SOBP: variants seen among roughly 807,000 people sequenced by gnomAD.
The protein encoded by SOBP is sine oculis binding protein homolog, also known as sine oculis-binding protein homolog.
In SOBP, 4 loss-of-function variants were observed where a neutral mutation model predicts 53.6. The observed-to-expected ratio is 0.07, with a 90% confidence interval of 0.04 to 0.17. SOBP has a LOEUF of 0.17. Ranked by LOEUF, SOBP falls within the 10% of genes least tolerant of loss-of-function variation. SOBP has a pLI of 1.00. For synonymous variants in SOBP, 584 were observed against 522.6 expected, an observed-to-expected ratio of 1.12 and a Z score of -1.60; for missense variants, 1,088 against 1,204.7, an observed-to-expected ratio of 0.90 and a Z score of 1.43.
chr6:107,577,540 A>G (rs1785267062), intron 4 of SOBP, among the ~76,000 whole-genome samples: 1 of 152,190 alleles, frequency 6.6e-6, no homozygotes, highest in Non-Finnish European at 1.5e-5. Context: ...TTATATACCG[A>G]ATGCCAGGAA....
At chr6:107,600,952 A>G (rs1382848418) in intron 5 of SOBP, among the ~76,000 whole-genome samples, 1 of 152,176 alleles carries the variant, frequency 6.6e-6, no homozygotes, top group East Asian at 1.9e-4. Flanking sequence ...TAAATTATTT[A>G]AAGTTATATT....
chr6:107,604,048 A>G (rs907872533), intron 5 of SOBP, among the ~76,000 whole-genome samples: 3 of 152,096 alleles, frequency 2.0e-5, no homozygotes, highest in African/African-American at 7.2e-5. Flanking sequence ...TGTTTCACCT[A>G]TTTTGTCTGT....
At chr6:107,499,633 G>A (rs1660322396) in intron 1 of SOBP, among the ~76,000 whole-genome samples, 1 of 152,068 alleles carries the variant, frequency 6.6e-6, no homozygotes, top group Admixed American at 6.5e-5. Context: ...AAATTCATGA[G>A]GTATGATCAC....
chr6:107,531,542 T>C (rs1583179462), intron 3 of SOBP, among the ~76,000 whole-genome samples: 1 of 152,164 alleles, frequency 6.6e-6, no homozygotes, highest in Non-Finnish European at 1.5e-5. Flanking sequence ...TTTCATACCA[T>C]GTAAAATGTT....
chr6:107,560,729 C>T (rs1784749964), intron 4 of SOBP, among the ~76,000 whole-genome samples: 2 of 152,190 alleles, frequency 1.3e-5, no homozygotes, highest in Non-Finnish European at 2.9e-5. Context: ...CTCAATCAGA[C>T]AGCCCAGGAG....
At chr6:107,626,622 A>T (rs1046262915) in intron 5 of SOBP, among the ~76,000 whole-genome samples, 10 of 152,196 alleles carry the variant, frequency 6.6e-5, no homozygotes, top group African/African-American at 2.4e-4. Flanking sequence ...ATAAATGTTC[A>T]CTTTTCAATG....
Position 107,490,567 on chromosome 6 carries a change from CCGG to C in SOBP, c.-42_-40del. On this transcript the variant is annotated 5_prime_UTR_variant, in exon 1 of 7. Transcript: ENST00000317357. ...GCCGCCGCCGCCGCCACCACCACCG[CCGG>C]CGGCGGCAGCAGCCATTTCATCTCC... is the stretch of plus-strand genomic sequence containing the variant. 1 of 1,400,404 alleles carries C rather than the reference CCGG, an allele frequency of 7.1e-7. No homozygotes were observed. Among genetic ancestry groups the C allele is most frequent in the Non-Finnish European group, 9.9e-7 (1 of 1,010,758 alleles). 86.7% of individuals were successfully genotyped at this position (1,400,404 alleles called of 1,614,324 possible).
chr6:107,537,313 ATATCT>A (rs1784027435), intron 4 of SOBP, among the ~76,000 whole-genome samples: 1 of 152,208 alleles, frequency 6.6e-6, no homozygotes. Flanking sequence ...TACATGGGAA[ATATCT>A]TATTGTCCAA....
At chr6:107,632,874 T>C (rs1434542444) in intron 5 of SOBP, among the ~76,000 whole-genome samples, 1 of 152,060 alleles carries the variant, frequency 6.6e-6, no homozygotes, top group African/African-American at 2.4e-5. Flanking sequence ...TGAGAGAGAG[T>C]GGGCAAACAG....
At chr6:107,608,001 A>C (rs999391093) in intron 5 of SOBP, among the ~76,000 whole-genome samples, 1 of 152,156 alleles carries the variant, frequency 6.6e-6, no homozygotes, top group Non-Finnish European at 1.5e-5. Context: ...ACAAAATTCC[A>C]CTATTAGAGG....
intron 5 of SOBP, among the ~76,000 whole-genome samples, chr6:107,591,974 T>TG (rs1339144930): frequency 2.5e-4 from 22 of 89,210 alleles, no homozygotes; most frequent in African/African-American, 8.6e-4. Context: ...TGGTGTTTTT[T>TG]TTTTTTTTTT....
intron 4 of SOBP, among the ~76,000 whole-genome samples, chr6:107,538,412 T>A (rs1458067663): frequency 1.3e-5 from 2 of 152,242 alleles, no homozygotes; most frequent in Non-Finnish European, 2.9e-5. Flanking sequence ...TTACTTGCAA[T>A]TAATGTCCCC....
intron 6 of SOBP, among the ~76,000 whole-genome samples, chr6:107,638,809 T>C (rs1771179387): frequency 6.6e-6 from 1 of 152,130 alleles, no homozygotes. Flanking sequence ...ATATATTATA[T>C]AGGATAATCT....
Position 107,634,647 on chromosome 6 carries a change from C to G in SOBP, c.1803C>G (p.Cys601Trp). 6.4e-7 allele frequency: 1 copy of G among 1,568,738 alleles called. No individual in the cohort carries two copies. Among genetic ancestry groups the G allele is most frequent in the Non-Finnish European group, 8.6e-7 (1 of 1,163,636 alleles). The change falls in exon 6 of 7, where the codon TGC (cysteine) becomes TGG (tryptophan). Residue 601 changes from cysteine (C) to tryptophan (W), a missense_variant. Physicochemically the swap from Cys to Trp is radical, Grantham distance 215 (BLOSUM62 -2). Transcript: ENST00000317357. This position sits in a 1 kb window ranked among gnomAD's most constrained non-coding sequence, Gnocchi z 4.5. Reference protein sequence around the residue: ...SSKSADSPPGCSGQALSLAPT... With the variant: ...SSKSADSPPGWSGQALSLAPT... The stretch of plus-strand genomic sequence containing the variant: ...AGTCCGCGGACTCGCCCCCCGGCTG[C>G]TCGGGCCAGGCCCTGAGCCTGGCGC...
chr6:107,620,388 T>G (rs1786960065), intron 5 of SOBP, among the ~76,000 whole-genome samples: 1 of 152,226 alleles, frequency 6.6e-6, no homozygotes, highest in African/African-American at 2.4e-5. Flanking sequence ...ATTTAGTCTC[T>G]TGGCATTATA....
At chr6:107,622,579 A>G (rs1770228844) in intron 5 of SOBP, among the ~76,000 whole-genome samples, 1 of 152,212 alleles carries the variant, frequency 6.6e-6, no homozygotes, top group African/African-American at 2.4e-5. Flanking sequence ...TGGGCACAAA[A>G]AGGTGAAAAC....
intron 1 of SOBP, among the ~76,000 whole-genome samples, chr6:107,502,419 A>G (rs1307749389): frequency 1.3e-5 from 2 of 152,254 alleles, no homozygotes; most frequent in South Asian, 2.1e-4. Flanking sequence ...CATTAAAATC[A>G]TTAACACACA....
chr6:107,615,193 C>T (rs535006307), intron 5 of SOBP, among the ~76,000 whole-genome samples: 11 of 152,008 alleles, frequency 7.2e-5, no homozygotes, highest in African/African-American at 2.2e-4. Context: ...TTTGGGTGGT[C>T]GGCATGATCA....
In SOBP at chr6:107,634,488, C is replaced by T; in HGVS notation, c.1644C>T (p.Asp548=). The change falls in exon 6 of 7, where the codon GAC becomes GAT. Residue 548 remains aspartate, a synonymous_variant. Transcript: ENST00000317357. This position sits in a 1 kb window ranked among gnomAD's most constrained non-coding sequence, Gnocchi z 4.5. ...PIPIPIPHVS[D]SKPPNGFSSN... is the part of the protein sequence containing the mutation. The stretch of plus-strand genomic sequence containing the variant: ...CCATCCCTATCCCTCACGTCAGCGA[C>T]TCCAAGCCCCCCAACGGGTTCTCCA... 6.2e-7 allele frequency: 1 copy of T among 1,611,812 alleles called. No individual in the cohort carries two copies. The highest frequency in any genetic ancestry group is 1.3e-5 in the African/African-American group (1 of 75,036).
Sources: allele counts gnomAD v4.1 joint callset (sites outside exome capture counted in the v4.1 genomes callset), GRCh38; gene constraint gnomAD v4.1.1; non-coding constraint Gnocchi (gnomAD v3.1); transcripts MANE v1.5; gene names NCBI Gene and HGNC (gene_info 2026-07-23, HGNC 2026-07-21).